TOP2B: variants seen among roughly 807,000 people sequenced by gnomAD.
The protein encoded by TOP2B is DNA topoisomerase 2-beta.
Under a neutral mutation model 193.5 loss-of-function variants are expected in TOP2B, and 51 were observed. That is an observed-to-expected ratio of 0.26 (90% CI 0.21 to 0.33). The LOEUF is 0.33. TOP2B is among the 10% of genes least tolerant of loss of function. The pLI is 1.00. For synonymous variants in TOP2B, 634 were observed against 635.7 expected, an observed-to-expected ratio of 1.00 and a Z score of 0.04; for missense variants, 1,378 against 1,909.3, an observed-to-expected ratio of 0.72 and a Z score of 5.19.
intron 28 of TOP2B, among the ~76,000 whole-genome samples, chr3:25,611,781 C>T (rs1702377479): frequency 6.6e-6 from 1 of 151,896 alleles, no homozygotes. Flanking sequence ...TAAAAGATGA[C>T]AGAGTACTTT....
Position 25,598,301 on chromosome 3 carries a change from G to C in TOP2B, c.*6C>G. 6.3e-7 allele frequency: 1 copy of C among 1,599,484 alleles called. No individual in the cohort carries two copies. Among genetic ancestry groups the C allele is most frequent in the African/African-American group, 1.3e-5 (1 of 74,564 alleles). ...TTGTTGAAAAATGTTTGTGCTCTTT[G>C]GGCACTTAATTAAACATTGCAAAAT... On this transcript the variant is annotated 3_prime_UTR_variant, in exon 36 of 36. Coordinates refer to ENST00000264331, the MANE Select transcript of TOP2B (RefSeq NM_001330700.2).
At chr3:25,604,650 CTTAA>C (rs1203210818) in intron 33 of TOP2B, 106 bp downstream of exon 33, 70 of 903,396 alleles carry the variant, frequency 7.7e-5, no homozygotes, top group East Asian at 2.4e-4. Context: ...ACTTATACTT[CTTAA>C]TTGTTTTATG....
intron 18 of TOP2B, among the ~76,000 whole-genome samples, chr3:25,625,552 GATTATTTTTGTTTTTTGGTTTTTTTGCA>G (rs1348706114): frequency 2.6e-5 from 4 of 151,448 alleles, no homozygotes; most frequent in African/African-American, 9.7e-5. Flanking sequence ...TTGTTTTTGC[GATTATTTTTGTTTTTTGGTTTTTTTGCA>G]ATTATTTTTG....
chr3:25,614,944 T>G (rs578083449), intron 27 of TOP2B, among the ~76,000 whole-genome samples: 29 of 152,108 alleles, frequency 1.9e-4, no homozygotes, highest in African/African-American at 6.5e-4. Flanking sequence ...AATCAATTAT[T>G]TAATCTAAAA....
chr3:25,603,122 G>A (rs1010419143), intron 33 of TOP2B, among the ~76,000 whole-genome samples: 2 of 152,168 alleles, frequency 1.3e-5, no homozygotes, highest in Non-Finnish European at 2.9e-5. Context: ...TTAAATATGG[G>A]TGAACAGTTT....
chr3:25,620,139 A>G, intron 22 of TOP2B, 77 bp from the exon 23 acceptor site: 1 of 959,546 alleles, frequency 1.0e-6, no homozygotes, highest in Non-Finnish European at 1.5e-6. Context: ...TACAGTCTTG[A>G]AAATTCTCAA....
At chr3:25,653,235 C>T (rs1703645150) in intron 1 of TOP2B, among the ~76,000 whole-genome samples, 1 of 152,000 alleles carries the variant, frequency 6.6e-6, no homozygotes, top group South Asian at 2.1e-4. Flanking sequence ...CAAACTCTTA[C>T]CAAAAAATGA....
At chr3:25,618,889 G>A (rs772423858) in intron 23 of TOP2B, 40 bp from the exon 24 acceptor site, 1 of 1,422,602 alleles carries the variant, frequency 7.0e-7, no homozygotes, top group Non-Finnish European at 9.5e-7. Flanking sequence ...ATATAGATCT[G>A]TACTGGTATT....
chr3:25,624,835 C>T, intron 18 of TOP2B, 32 bp from the exon 19 acceptor site: 1 of 1,599,630 alleles, frequency 6.3e-7, no homozygotes, highest in South Asian at 1.1e-5. Context: ...TAAAATGTTA[C>T]TTCAAGATAT....
chr3:25,606,075 G>A lies in TOP2B; in HGVS notation c.4346C>T (p.Ser1449Leu), dbSNP rs1290694927. ...KKSQDFGNLF[S>L]FPSYSQKSED... ...TGACTTCTGAGAATATGAAGGAAATGAGAAGAGATTTCCAAAATCCTGACT... is the reference window on the plus strand; with the variant it reads ...TGACTTCTGAGAATATGAAGGAAATAAGAAGAGATTTCCAAAATCCTGACT... The change falls in exon 32 of 36, where the codon TCA becomes TTA. Residue 1449 changes from serine to leucine, a missense_variant. Coordinates refer to ENST00000264331, the MANE Select transcript of TOP2B (RefSeq NM_001330700.2). 1 of 1,505,752 alleles carries A rather than the reference G, an allele frequency of 6.6e-7. No homozygotes were observed. The highest frequency in any genetic ancestry group is 2.1e-5 in the Admixed American group (1 of 48,242). The allele number at this position is 1,505,752 out of a possible 1,614,324, so 93.3% of individuals were successfully genotyped here.
chr3:25,604,357 G>A (rs557202677), intron 33 of TOP2B, among the ~76,000 whole-genome samples: 1 of 152,230 alleles, frequency 6.6e-6, no homozygotes, highest in East Asian at 1.9e-4. Context: ...AAAGAGAGAA[G>A]CTGCATGACT....
chr3:25,607,442 C>G (rs1702263553), intron 30 of TOP2B, 67 bp from the exon 31 acceptor site: 7 of 1,472,204 alleles, frequency 4.8e-6, no homozygotes, highest in Non-Finnish European at 6.4e-6. Flanking sequence ...ATTATTATTA[C>G]TGATAAAGCA....
intron 25 of TOP2B, among the ~76,000 whole-genome samples, chr3:25,617,879 TTTAATC>T (rs1378171968): frequency 2.0e-5 from 3 of 152,206 alleles, no homozygotes; most frequent in South Asian, 2.1e-4. Context: ...ACATCAGACT[TTTAATC>T]TGAAGTTCCA....
At chr3:25,660,750 C>A (rs1270750516) in intron 1 of TOP2B, among the ~76,000 whole-genome samples, 1 of 152,136 alleles carries the variant, frequency 6.6e-6, no homozygotes, top group African/African-American at 2.4e-5. Flanking sequence ...TAAAATAAAT[C>A]TTTAAACAAT....
chr3:25,614,370 A>G (rs1025606466), intron 27 of TOP2B, among the ~76,000 whole-genome samples: 1 of 152,092 alleles, frequency 6.6e-6, no homozygotes, highest in African/African-American at 2.4e-5. Context: ...ATTTTTAAAT[A>G]AATTATAACT....
At chr3:25,606,641 T>C (rs773954731) in intron 31 of TOP2B, among the ~76,000 whole-genome samples, 3 of 152,098 alleles carry the variant, frequency 2.0e-5, no homozygotes, top group Non-Finnish European at 2.9e-5. Context: ...GAAAATACTT[T>C]TAAAAAAACA....
At position 25,615,278 on chromosome 3, in the gene TOP2B, A is replaced by G; in HGVS notation, c.3518T>C (p.Val1173Ala). Residue 1173 changes from valine to alanine, a missense_variant, in exon 27 of 36, where the codon GTC (valine) becomes GCC (alanine). Val to Ala is a moderately conservative substitution (Grantham distance 64). This residue lies in a region of TOP2B where 556 missense variants were observed against 584.2 expected (regional missense o/e 0.95). Transcript: ENST00000264331. ...IKQRDAKGRE[V>A]NDLKRKSPSD... ...AGGAGATTTTCTTTTAAGATCATTG[A>G]CCTCTCGCCCCTATAATAAAAAAGT... The G allele has an allele frequency of 6.2e-7, 1 of 1,610,684 alleles. No individual in the cohort carries two copies.
At chr3:25,637,445 C>G in intron 5 of TOP2B, 133 bp from the exon 6 acceptor site, 1 of 613,874 alleles carries the variant, frequency 1.6e-6, no homozygotes, top group South Asian at 2.1e-5. Flanking sequence ...TTGAAGATTC[C>G]AGAGTATATT....
chr3:25,604,667 A>T (rs780492806), intron 33 of TOP2B, 93 bp downstream of exon 33: 20 of 1,074,088 alleles, frequency 1.9e-5, no homozygotes, highest in African/African-American at 8.0e-5. Context: ...GTTTTATGAT[A>T]AAAAAATGCA....
Sources: allele counts gnomAD v4.1 joint callset (sites outside exome capture counted in the v4.1 genomes callset), GRCh38; gene constraint gnomAD v4.1.1; regional missense constraint gnomAD v4.1.1; transcripts MANE v1.5; gene names NCBI Gene and HGNC (gene_info 2026-07-23, HGNC 2026-07-21).